NBAS: variants seen among roughly 807,000 people sequenced by gnomAD.
NBAS encodes the protein NBAS subunit of NRZ tethering complex.
Under a neutral mutation model 302.5 loss-of-function variants are expected in NBAS, and 219 were observed. The observed-to-expected ratio is 0.72, with a 90% CI of 0.65 to 0.81. The LOEUF is 0.81. Ranked by LOEUF, NBAS falls within the 30% of genes least tolerant of loss-of-function variation. The pLI, the probability that NBAS is intolerant of heterozygous loss-of-function variation, is 0.00. For synonymous variants in NBAS, 1,118 were observed against 1,021.6 expected (o/e 1.09, Z -1.80); for missense variants, 2,932 against 2,841.6 (o/e 1.03, Z -0.72).
chr2:15,000,287 A>G, the NBAS span, among the ~76,000 whole-genome samples: 3 of 152,204 alleles, frequency 2.0e-5, no homozygotes, highest in Non-Finnish European at 4.4e-5. Flanking sequence ...AAAAAACAAA[A>G]GCCAACCACT....
At chr2:15,443,874 GC>G (rs1678580539) in intron 21 of NBAS, among the ~76,000 whole-genome samples, 1 of 152,114 alleles carries the variant, frequency 6.6e-6, no homozygotes, top group South Asian at 2.1e-4. Flanking sequence ...CAAACAGAGA[GC>G]CAAAGCATGA....
chr2:15,476,026 A>G (rs557953097), intron 13 of NBAS, 146 bp from the exon 14 acceptor site: 1 of 650,640 alleles, frequency 1.5e-6, no homozygotes, highest in Admixed American at 3.4e-5. Context: ...AAAAAATAAA[A>G]TGTAAGTCAT....
chr2:14,789,078 A>G, the NBAS span, among the ~76,000 whole-genome samples: 1 of 152,138 alleles, frequency 6.6e-6, no homozygotes, highest in Admixed American at 6.5e-5. Context: ...TTGCAGTTTG[A>G]TCTCAGACTG....
intron 48 of NBAS, among the ~76,000 whole-genome samples, chr2:15,216,240 G>T (rs1481558247): frequency 6.6e-6 from 1 of 152,110 alleles, no homozygotes; most frequent in East Asian, 1.9e-4. Flanking sequence ...CAACAAATCT[G>T]TATCATTACC....
intron 23 of NBAS, among the ~76,000 whole-genome samples, chr2:15,421,618 CAA>C (rs529379503): frequency 1.1e-4 from 14 of 127,388 alleles, no homozygotes; most frequent in African/African-American, 8.6e-5. Flanking sequence ...AACATGAAGC[CAA>C]AAAAAAAAAG....
chr2:15,221,585 G>A (rs1666950659), intron 47 of NBAS, among the ~76,000 whole-genome samples: 1 of 152,192 alleles, frequency 6.6e-6, no homozygotes, highest in Non-Finnish European at 1.5e-5. Flanking sequence ...TAATATAAAT[G>A]TGAACAACTG....
intron 46 of NBAS, among the ~76,000 whole-genome samples, chr2:15,234,018 A>G (rs893333754): frequency 2.6e-5 from 4 of 152,240 alleles, no homozygotes; most frequent in African/African-American, 9.6e-5. Context: ...AGGCACCCAC[A>G]TATCGACGCA....
intron 44 of NBAS, among the ~76,000 whole-genome samples, chr2:15,272,888 G>A (rs1045392866): frequency 4.6e-5 from 7 of 152,136 alleles, no homozygotes; most frequent in African/African-American, 7.2e-5. Flanking sequence ...AAACTAAAGC[G>A]ATGAGAATGT....
chr2:14,793,928 C>T, the NBAS span, among the ~76,000 whole-genome samples: 2 of 152,022 alleles, frequency 1.3e-5, no homozygotes, highest in Non-Finnish European at 2.9e-5. Flanking sequence ...AAAAAAAATG[C>T]TAACTGTGAT....
At chr2:15,157,482 C>G in the NBAS span, among the ~76,000 whole-genome samples, 12 of 152,216 alleles carry the variant, frequency 7.9e-5, no homozygotes, top group Non-Finnish European at 1.5e-4. Flanking sequence ...TTAGGGCCGT[C>G]TTCGCAGCAT....
At chr2:15,011,762 A>C in the NBAS span, among the ~76,000 whole-genome samples, 1 of 152,176 alleles carries the variant, frequency 6.6e-6, no homozygotes, top group South Asian at 2.1e-4. Context: ...CCACTACCAC[A>C]AACAATCTCA....
the NBAS span, among the ~76,000 whole-genome samples, chr2:15,137,087 G>A: frequency 6.6e-6 from 1 of 152,148 alleles, no homozygotes; most frequent in Non-Finnish European, 1.5e-5. Flanking sequence ...CCTCCACCAT[G>A]GGAGGACAAA....
At chr2:15,502,431 C>T (rs772370385) in intron 11 of NBAS, among the ~76,000 whole-genome samples, 2 of 152,168 alleles carry the variant, frequency 1.3e-5, no homozygotes, top group African/African-American at 2.4e-5. Flanking sequence ...AAACATCATA[C>T]ATAACAGTGC....
rs373706717 is a variant in NBAS at position 15,167,080 on chromosome 2, T to C, written c.7084A>G (p.Thr2362Ala). Residue 2362 changes from threonine to alanine, a missense_variant, in exon 52 of 52, where the codon ACA becomes GCA. Coordinates refer to ENST00000281513, the MANE Select transcript of NBAS (RefSeq NM_015909.4). ...GTHQAFRTFSTALRAAQHWV is the reference protein window; with the variant it reads ...GTHQAFRTFSAALRAAQHWV ...CAGTGCTGTGCTGCGCGGAGGGCTG[T>C]ACTGAAGGTTCTGAAGGCCTGGTGA... 4 of 1,608,976 alleles carry C rather than the reference T, an allele frequency of 2.5e-6. No individual in the cohort carries two copies. In the African/African-American group the frequency reaches 5.3e-5, roughly 21 times the overall value.
chr2:14,825,674 A>T, the NBAS span, among the ~76,000 whole-genome samples: 1 of 152,154 alleles, frequency 6.6e-6, no homozygotes, highest in East Asian at 1.9e-4. Context: ...GTATTCCAGC[A>T]ACTTATAATA....
intron 19 of NBAS, among the ~76,000 whole-genome samples, chr2:15,465,639 A>C (rs1679689330): frequency 6.6e-6 from 1 of 152,198 alleles, no homozygotes; most frequent in South Asian, 2.1e-4. Context: ...TTATATCTGA[A>C]TATTTTCATT....
the NBAS span, among the ~76,000 whole-genome samples, chr2:14,879,012 A>T: frequency 6.6e-6 from 1 of 152,156 alleles, no homozygotes; most frequent in African/African-American, 2.4e-5. Context: ...CTATATCCAT[A>T]GTTTTCACTT....
intron 50 of NBAS, chr2:15,179,474 G>T: frequency 3.8e-6 from 1 of 266,388 alleles, no homozygotes; most frequent in Middle Eastern, 1.3e-3. Flanking sequence ...CAGGTTTTGT[G>T]TTTTGTGTGT....
intron 29 of NBAS, 130 bp downstream of exon 29, chr2:15,383,085 A>G: frequency 1.3e-6 from 1 of 750,446 alleles, no homozygotes; most frequent in Non-Finnish European, 2.2e-6. Context: ...ATAAAGCACT[A>G]GTCAGTTATT....
Sources: allele counts gnomAD v4.1 joint callset (sites outside exome capture counted in the v4.1 genomes callset), GRCh38; gene constraint gnomAD v4.1.1; transcripts MANE v1.5; gene names NCBI Gene and HGNC (gene_info 2026-07-23, HGNC 2026-07-21).